GOSR2: variants seen among roughly 807,000 people sequenced by gnomAD.
GOSR2 encodes the protein golgi SNAP receptor complex member 2.
GOSR2 carries 20 observed loss-of-function variants against 27.9 expected under a neutral mutation model. The ratio of observed to expected loss-of-function variants is 0.72; its 90% CI spans 0.50 to 1.04. GOSR2 has a LOEUF of 1.04. Among genes scored for constraint, GOSR2 ranks in the 50% least tolerant of loss-of-function variants. The probability of loss-of-function intolerance (pLI) is 0.00; values close to 1 mark genes in which losing one functional copy is unlikely to be tolerated. For synonymous variants in GOSR2, 91 were observed against 98.8 expected (o/e 0.92, Z 0.47); for missense variants, 261 against 270.5 (o/e 0.97, Z 0.25).
rs530406044 is a variant in GOSR2 at position 46,974,456 on chromosome 17, C to T, written c.616-743C>T. Among the ~76,000 whole-genome samples, 7 of 152,268 alleles carry T rather than the reference C, an allele frequency of 4.6e-5. No homozygotes were observed. The South Asian group carries it at 1.4e-3, about 32-fold the overall frequency. ...GGGGAGCAAAGGAGGTCATCTCCGCCGGGCGCGGTGGCTCACGCCTGTAAT... is the reference window on the plus strand; with the variant it reads ...GGGGAGCAAAGGAGGTCATCTCCGCTGGGCGCGGTGGCTCACGCCTGTAAT... On this transcript the variant is annotated intron_variant, in intron 6 of 6. Transcript: ENST00000640723.
intron 6 of GOSR2, among the ~76,000 whole-genome samples, chr17:46,962,452 G>A (rs2091115188): frequency 6.6e-6 from 1 of 152,126 alleles, no homozygotes; most frequent in African/African-American, 2.4e-5. Flanking sequence ...GACTGGCCCT[G>A]TGACTCATTT....
At chr17:46,957,526 T>C (rs1263481107) in intron 6 of GOSR2, among the ~76,000 whole-genome samples, 1 of 151,216 alleles carries the variant, frequency 6.6e-6, no homozygotes, top group African/African-American at 2.4e-5. Flanking sequence ...GGCAGGAGAA[T>C]TGCTTGAACC....
chr17:46,929,320 T>C (rs1027543898), intron 1 of GOSR2, among the ~76,000 whole-genome samples, 200 bp from the exon 2 acceptor site: 6 of 152,242 alleles, frequency 3.9e-5, no homozygotes, highest in African/African-American at 1.4e-4. Context: ...ATAATCTGCC[T>C]ATCAGTGTTA....
At chr17:46,928,073 C>T (rs1034620672) in intron 1 of GOSR2, among the ~76,000 whole-genome samples, 3 of 152,040 alleles carry the variant, frequency 2.0e-5, no homozygotes, top group Admixed American at 1.3e-4. Context: ...GCCCCCATAC[C>T]TCCACACCCC....
At chr17:46,960,715 A>T (rs1182818224) in intron 6 of GOSR2, among the ~76,000 whole-genome samples, 2 of 152,250 alleles carry the variant, frequency 1.3e-5, no homozygotes, top group Non-Finnish European at 2.9e-5. Flanking sequence ...GTGTGAAACG[A>T]TATGGATGCA....
rs189899 is a variant in GOSR2 at position 46,923,163 on chromosome 17, G to C, written c.-30G>C. On this transcript the variant is annotated 5_prime_UTR_variant, in exon 1 of 6. Transcript: ENST00000640051. The stretch of plus-strand genomic sequence containing the variant: ...GAGGACGTGTTCCGAGGAAGCCAGA[G>C]CCGGAGCCGTGGCCTGCGGGGCCGG... 0.39 allele frequency: 560,909 copies of C among 1,448,982 alleles called. 110,254 individuals carry two copies. Among genetic ancestry groups the C allele is most frequent in the East Asian group, 0.47 (18,843 of 40,418 alleles). 89.8% of individuals were successfully genotyped at this position (1,448,982 alleles called of 1,614,324 possible). A position where few individuals can be genotyped will look rare whatever the true frequency, so the allele number is the denominator to read the frequency against.
At chr17:46,965,059 C>G (rs1390650050) in intron 6 of GOSR2, 2 of 152,166 alleles carry the variant, frequency 1.3e-5, no homozygotes, top group Non-Finnish European at 2.9e-5. Flanking sequence ...TGTGTGATGG[C>G]CCAGACATGT....
rs1599069144 is a variant in GOSR2 at position 46,940,267 on chromosome 17, C to T, written c.*1507C>T. 12 of 1,424,956 alleles carry T rather than the reference C, an allele frequency of 8.4e-6. No homozygotes were observed. The East Asian group carries it at 3.0e-4, about 36-fold the overall frequency. The allele number at this position is 1,424,956 out of a possible 1,614,324, so 88.3% of individuals were successfully genotyped here. A position where few individuals can be genotyped will look rare whatever the true frequency, so the allele number is the denominator to read the frequency against. ...TTTCACACTTTCGGTTGGAGGAGATCTCCATTGTTCCTACCCCTCCGGGCC... is the reference window on the plus strand; with the variant it reads ...TTTCACACTTTCGGTTGGAGGAGATTTCCATTGTTCCTACCCCTCCGGGCC... On this transcript the variant is annotated 3_prime_UTR_variant, in exon 6 of 6. Coordinates refer to ENST00000640051, the MANE Select transcript of GOSR2 (RefSeq NM_004287.5).
chr17:46,974,247 C>T (rs1389364166), intron 6 of GOSR2, among the ~76,000 whole-genome samples: 1 of 152,226 alleles, frequency 6.6e-6, no homozygotes, highest in Non-Finnish European at 1.5e-5. Context: ...CTGGCCAGGG[C>T]CAGACGCTAG....
intron 6 of GOSR2, among the ~76,000 whole-genome samples, chr17:46,952,431 T>G (rs1263432663): frequency 6.6e-6 from 1 of 152,056 alleles, no homozygotes; most frequent in Non-Finnish European, 1.5e-5. Context: ...CTATTCTCAC[T>G]AGCTACACGC....
At chr17:46,974,461 G>A (rs1201651782) in intron 6 of GOSR2, among the ~76,000 whole-genome samples, 1 of 152,184 alleles carries the variant, frequency 6.6e-6, no homozygotes, top group Non-Finnish European at 1.5e-5. Flanking sequence ...TCCGCCGGGC[G>A]CGGTGGCTCA....
rs369557972 is a variant in GOSR2, at chr17:46,940,532, G to A, written c.*1772G>A. On this transcript the variant is annotated 3_prime_UTR_variant, in exon 6 of 6. Coordinates refer to ENST00000640051, the MANE Select transcript of GOSR2 (RefSeq NM_004287.5). The stretch of plus-strand genomic sequence containing the variant: ...ATAAAATGGATTCTGAGACTGCGAC[G>A]GCAAGGCTGTCCTGTCCCCCAGGCA... The A allele has an allele frequency of 1.2e-5, 20 of 1,613,904 alleles. No homozygotes were observed. The highest frequency in any genetic ancestry group is 6.7e-5 in the East Asian group (3 of 44,900).
intron 1 of GOSR2, chr17:46,923,798 A>G (rs1363673782): frequency 2.5e-6 from 1 of 404,796 alleles, no homozygotes; most frequent in African/African-American, 2.1e-5. Flanking sequence ...AGTTTCTCAT[A>G]ACTTAAATTC....
chr17:46,938,675 GGGCTTTCCAGGACAAGTACTTTATGATA>G lies in GOSR2; in HGVS notation c.557_584del (p.Ala186ValfsTer5), dbSNP rs796052541. On this transcript the variant is annotated frameshift_variant, in exon 6 of 6. Transcript: ENST00000640051. LOFTEE classifies it high-confidence loss of function. ...ACAGTGATGCGGCTCATCGAGAAGC[GGGCTTTCCAGGACAAGTACTTTATGATA>G]GGTGGGATGCTGCTGACCTGTGTGG... 77 of 1,613,848 alleles carry G rather than the reference GGGCTTTCCAGGACAAGTACTTTATGATA, an allele frequency of 4.8e-5. No individual in the cohort carries two copies. The highest frequency in any genetic ancestry group is 6.4e-5 in the Non-Finnish European group (75 of 1,180,010).
chr17:46,932,032 TC>T (rs761042245), intron 3 of GOSR2, 34 bp from the exon 4 acceptor site: 1 of 1,608,594 alleles, frequency 6.2e-7, no homozygotes, highest in Non-Finnish European at 8.5e-7. Context: ...TGCCCTGAGT[TC>T]CTGGAATTTA....
chr17:46,942,918 C>G (rs1463563271), downstream of GOSR2, among the ~76,000 whole-genome samples: 1 of 152,194 alleles, frequency 6.6e-6, no homozygotes, highest in African/African-American at 2.4e-5. Flanking sequence ...CCTCTGTGAG[C>G]CATCCCTCCC....
chr17:46,966,335 G>T (rs1291552279), intron 6 of GOSR2, among the ~76,000 whole-genome samples: 1 of 152,204 alleles, frequency 6.6e-6, no homozygotes, highest in Non-Finnish European at 1.5e-5. Flanking sequence ...CCAGGGTGCA[G>T]TGCAGTGGCA....
At chr17:46,935,272 A>G (rs753792252) in intron 5 of GOSR2, 103 bp downstream of exon 5, 3 of 1,600,580 alleles carry the variant, frequency 1.9e-6, no homozygotes, top group Admixed American at 1.7e-5. Context: ...TCAAATTGTG[A>G]TATTTTGATG....
intron 6 of GOSR2, among the ~76,000 whole-genome samples, chr17:46,948,007 T>G (rs2090051532): frequency 6.6e-6 from 1 of 152,214 alleles, no homozygotes; most frequent in African/African-American, 2.4e-5. Flanking sequence ...TGACCTCAGG[T>G]GATCCACCTG....
Sources: gnomAD v4.1 joint callset for allele counts (sites outside exome capture counted in the v4.1 genomes callset) on GRCh38, gnomAD v4.1.1 for gene constraint, MANE v1.5 for transcripts, NCBI Gene and HGNC (gene_info 2026-07-23, HGNC 2026-07-21) for gene names.